The following FAM151B variants were observed in gnomAD, a reference collection of about 807,000 sequenced individuals.
FAM151B encodes protein FAM151B.
A neutral mutation model predicts 31.2 loss-of-function variants in FAM151B; 24 were observed. That is an observed-to-expected ratio of 0.77 (90% CI 0.56 to 1.08). The LOEUF (loss-of-function observed/expected upper bound fraction) is 1.08. Ranked by LOEUF, FAM151B falls within the 50% of genes least tolerant of loss-of-function variation. The pLI is 0.00. For synonymous variants in FAM151B, 105 were observed against 111.4 expected (o/e 0.94, Z 0.36); for missense variants, 293 against 328.6 (o/e 0.89, Z 0.84).
intron 1 of FAM151B, chr5:80,500,478 T>A: frequency 1.2e-6 from 1 of 830,722 alleles, no homozygotes; most frequent in Non-Finnish European, 2.1e-6. Context: ...AGGAAGCTTA[T>A]CTGTGAAAAA....
chr5:80,536,951 G>A (rs1445281940), intron 5 of FAM151B, among the ~76,000 whole-genome samples: 2 of 152,040 alleles, frequency 1.3e-5, no homozygotes, highest in African/African-American at 4.8e-5. Flanking sequence ...TAATAAGTAT[G>A]AAAAAATAGT....
intron 5 of FAM151B, among the ~76,000 whole-genome samples, chr5:80,536,319 C>T (rs549067294): frequency 6.6e-6 from 1 of 151,680 alleles, no homozygotes; most frequent in Admixed American, 6.6e-5. Flanking sequence ...CACAGGCGCC[C>T]GCCACCAAGT....
chr5:80,525,774 A>C (rs1383449383), intron 5 of FAM151B, among the ~76,000 whole-genome samples: 1 of 152,112 alleles, frequency 6.6e-6, no homozygotes, highest in Non-Finnish European at 1.5e-5. Context: ...CTCTTTGCTT[A>C]ATGCTGCCTT....
chr5:80,504,905 A>C (rs1743894098), intron 2 of FAM151B, among the ~76,000 whole-genome samples: 1 of 152,176 alleles, frequency 6.6e-6, no homozygotes, highest in Non-Finnish European at 1.5e-5. Flanking sequence ...ATAATAAAAG[A>C]CTAGATCATC....
chr5:80,533,470 C>T (rs1012225155), intron 5 of FAM151B, among the ~76,000 whole-genome samples: 5 of 148,682 alleles, frequency 3.4e-5, no homozygotes, highest in African/African-American at 4.9e-5. Flanking sequence ...AAGATCAGGC[C>T]GAGCGAGCAC....
chr5:80,537,299 G>C (rs1354501875), intron 5 of FAM151B, among the ~76,000 whole-genome samples: 3 of 152,208 alleles, frequency 2.0e-5, no homozygotes, highest in Non-Finnish European at 4.4e-5. Flanking sequence ...CCCACATGGG[G>C]AGTGAAGCTA....
intron 2 of FAM151B, among the ~76,000 whole-genome samples, chr5:80,503,452 A>T (rs1202962818): frequency 6.6e-6 from 1 of 151,986 alleles, no homozygotes; most frequent in Non-Finnish European, 1.5e-5. Context: ...ACCTGTAGTC[A>T]CAGCTACTCA....
At chr5:80,535,175 C>T (rs151234161) in intron 5 of FAM151B, among the ~76,000 whole-genome samples, 2 of 152,266 alleles carry the variant, frequency 1.3e-5, no homozygotes, top group East Asian at 3.9e-4. Flanking sequence ...TCCATACTAC[C>T]TAAAGCAATC....
At chr5:80,496,269 T>C (rs1743533517) in intron 1 of FAM151B, among the ~76,000 whole-genome samples, 1 of 152,222 alleles carries the variant, frequency 6.6e-6, no homozygotes, top group Admixed American at 6.5e-5. Flanking sequence ...CCCTGATTGG[T>C]CAATAGCCAT....
At chr5:80,501,135 T>G (rs1026030517) in intron 1 of FAM151B, 2 of 368,406 alleles carry the variant, frequency 5.4e-6, no homozygotes, top group African/African-American at 4.2e-5. Flanking sequence ...TGTCTCAGCC[T>G]CTGGAGTAAC....
chr5:80,497,118 T>C (rs949821313), intron 1 of FAM151B, among the ~76,000 whole-genome samples: 64 of 152,056 alleles, frequency 4.2e-4, no homozygotes, highest in Admixed American at 1.2e-3. Context: ...GCCTAATTTT[T>C]TTCTGTAAAT....
chr5:80,537,452 A>G (rs546606605), intron 5 of FAM151B, among the ~76,000 whole-genome samples: 1 of 152,314 alleles, frequency 6.6e-6, no homozygotes, highest in South Asian at 2.1e-4. Context: ...GTCTATTCTC[A>G]GATTTTGTGT....
At chr5:80,526,598 C>T (rs148188166) in intron 5 of FAM151B, among the ~76,000 whole-genome samples, 72 of 152,008 alleles carry the variant, frequency 4.7e-4, no homozygotes, top group Middle Eastern at 3.4e-3. Context: ...CCAGCCTGTG[C>T]GGCTGAACAA....
chr5:80,541,225 C>G lies in FAM151B; in HGVS notation c.672-448C>G, dbSNP rs144228901. Among the ~76,000 whole-genome samples, 275 of 152,310 alleles carry G rather than the reference C, an allele frequency of 1.8e-3. 1 individual carries two copies. The highest frequency in any genetic ancestry group is 5.0e-3 in the Admixed American group (77 of 15,282). ...AAACCTCCAAAAGAAACAGCAGGGCCTCCGTATATGATTCTAAGTATTGTG... is the reference window on the plus strand; with the variant it reads ...AAACCTCCAAAAGAAACAGCAGGGCGTCCGTATATGATTCTAAGTATTGTG... On this transcript the variant is annotated intron_variant, in intron 5 of 5. Coordinates refer to ENST00000282226, the MANE Select transcript of FAM151B (RefSeq NM_205548.3).
intron 2 of FAM151B, among the ~76,000 whole-genome samples, chr5:80,512,040 A>G (rs1666264042): frequency 6.6e-6 from 1 of 151,984 alleles, no homozygotes; most frequent in Non-Finnish European, 1.5e-5. Flanking sequence ...TGTTTTATGC[A>G]TTTTTTTCAA....
intron 5 of FAM151B, among the ~76,000 whole-genome samples, chr5:80,526,040 G>A (rs986271012): frequency 5.3e-5 from 8 of 151,904 alleles, no homozygotes; most frequent in Non-Finnish European, 8.8e-5. Flanking sequence ...CTCAGTATAC[G>A]TGGAGGATGG....
At chr5:80,513,480 C>T in intron 2 of FAM151B, 124 bp from the exon 3 acceptor site, 1 of 882,576 alleles carries the variant, frequency 1.1e-6, no homozygotes, top group Non-Finnish European at 1.7e-6. Context: ...GGGATAATCG[C>T]TCACTGAGTG....
chr5:80,512,702 A>G (rs569329902), intron 2 of FAM151B, among the ~76,000 whole-genome samples: 2 of 151,044 alleles, frequency 1.3e-5, no homozygotes, highest in Admixed American at 6.6e-5. Context: ...GGATTGCTTG[A>G]GCTCAGGAGG....
intron 3 of FAM151B, among the ~76,000 whole-genome samples, chr5:80,518,005 G>A (rs1344199756): frequency 3.3e-5 from 5 of 150,706 alleles, no homozygotes; most frequent in African/African-American, 1.2e-4. Context: ...CCGGGATGCA[G>A]AGGTTACGGT....
Sources: allele counts gnomAD v4.1 joint callset (sites outside exome capture counted in the v4.1 genomes callset), GRCh38; gene constraint gnomAD v4.1.1; transcripts MANE v1.5; gene names NCBI Gene and HGNC (gene_info 2026-07-23, HGNC 2026-07-21).